The following DDAH1 variants were observed in gnomAD, a reference collection of about 807,000 sequenced individuals.
DDAH1 encodes dimethylarginine dimethylaminohydrolase 1.
A neutral mutation model predicts 28.8 loss-of-function variants in DDAH1; 19 were observed. The ratio of observed to expected loss-of-function variants is 0.66; its 90% CI spans 0.46 to 0.97. The LOEUF (loss-of-function observed/expected upper bound fraction) is 0.97, where lower values mean the gene tolerates loss of function less well. DDAH1 is among the 50% of genes least tolerant of loss of function. The pLI is 0.00. For synonymous variants in DDAH1, 153 were observed against 154.4 expected, an observed-to-expected ratio of 0.99 and a Z score of 0.07; for missense variants, 326 against 375.9, an observed-to-expected ratio of 0.87 and a Z score of 1.10.
Position 85,321,428 on chromosome 1 carries a change from G to T in DDAH1, c.*24C>A, listed in dbSNP as rs370850374. On this transcript the variant is annotated 3_prime_UTR_variant, in exon 6 of 6. Coordinates refer to ENST00000284031, the MANE Select transcript of DDAH1 (RefSeq NM_012137.4). ...TCGGCCTTGCCTGTGCGGTCTTGCC[G>T]GCTACCGGGGGGGACTCTGCAGCTC... 1.9e-6 allele frequency: 3 copies of T among 1,542,576 alleles called. No homozygotes were observed. The highest frequency in any genetic ancestry group is 2.7e-6 in the Non-Finnish European group (3 of 1,115,216).
intron 2 of DDAH1, among the ~76,000 whole-genome samples, chr1:85,479,593 C>T (rs1363977952): frequency 1.4e-4 from 21 of 152,240 alleles, no homozygotes; most frequent in Admixed American, 1.4e-3. Context: ...AGTATTACAA[C>T]AGTGTTCACA....
chr1:85,537,743 C>T lies in DDAH1; in HGVS notation c.-123+40241G>A, dbSNP rs567513157. On this transcript the variant is annotated intron_variant, in intron 1 of 6. Transcript: ENST00000426972. ...AGGGAAGCTTCTTAAAAATAAGATG[C>T]CCAAGTTTTGACCCAGACTCAGTAA... 3.3e-5 allele frequency among the ~76,000 whole-genome samples: 5 copies of T among 150,760 alleles called. No homozygotes were observed. The East Asian group carries it at 9.7e-4, about 29-fold the overall frequency.
intron 1 of DDAH1, among the ~76,000 whole-genome samples, chr1:85,461,725 A>C (rs1292322334): frequency 6.6e-6 from 1 of 152,230 alleles, no homozygotes; most frequent in Non-Finnish European, 1.5e-5. Flanking sequence ...AATGTTGACC[A>C]ATACAGACAT....
At chr1:85,382,605 A>G (rs2100911218) in intron 1 of DDAH1, among the ~76,000 whole-genome samples, 1 of 152,342 alleles carries the variant, frequency 6.6e-6, no homozygotes, top group African/African-American at 2.4e-5. Flanking sequence ...AAAGTTTTCA[A>G]ATTAAATCCA....
intron 4 of DDAH1, among the ~76,000 whole-genome samples, chr1:85,349,675 T>C (rs1460880639): frequency 6.6e-6 from 1 of 152,232 alleles, no homozygotes; most frequent in Non-Finnish European, 1.5e-5. Context: ...AAGGGCCCAC[T>C]GTGGGCCAAG....
intron 2 of DDAH1, among the ~76,000 whole-genome samples, chr1:85,488,000 A>G (rs558575606): frequency 8.5e-5 from 13 of 152,266 alleles, no homozygotes; most frequent in African/African-American, 2.9e-4. Flanking sequence ...CCTGACCAAC[A>G]TGGTGAAACC....
intron 1 of DDAH1, among the ~76,000 whole-genome samples, chr1:85,360,554 G>C (rs1488983873): frequency 6.6e-6 from 1 of 152,184 alleles, no homozygotes; most frequent in East Asian, 1.9e-4. Flanking sequence ...GAGAGATCAT[G>C]AGAACAGATA....
intron 1 of DDAH1, among the ~76,000 whole-genome samples, chr1:85,427,568 A>G (rs1653467152): frequency 6.6e-6 from 1 of 152,200 alleles, no homozygotes; most frequent in Non-Finnish European, 1.5e-5. Flanking sequence ...CAGTCTATGC[A>G]GAGCCAGCTC....
At chr1:85,373,477 C>T (rs57416273) in intron 1 of DDAH1, among the ~76,000 whole-genome samples, 9 of 152,058 alleles carry the variant, frequency 5.9e-5, no homozygotes, top group Admixed American at 2.6e-4. Context: ...ATGCTTTTCT[C>T]GTGACAATGA....
At chr1:85,362,070 T>C (rs1557523069) in intron 1 of DDAH1, among the ~76,000 whole-genome samples, 2 of 152,360 alleles carry the variant, frequency 1.3e-5, no homozygotes, top group South Asian at 2.1e-4. Flanking sequence ...TCTTGTGTTT[T>C]ATCCCTCCAT....
intron 1 of DDAH1, among the ~76,000 whole-genome samples, chr1:85,561,372 A>T (rs1312682452): frequency 1.3e-5 from 2 of 152,104 alleles, no homozygotes; most frequent in African/African-American, 4.8e-5. Flanking sequence ...GAGATAAAAA[A>T]TACAGATGTT....
At chr1:85,416,286 C>A (rs1336592391) in intron 1 of DDAH1, among the ~76,000 whole-genome samples, 1 of 151,786 alleles carries the variant, frequency 6.6e-6, no homozygotes, top group Non-Finnish European at 1.5e-5. Flanking sequence ...GAGTCTCACT[C>A]CCGGGTTCAA....
intron 4 of DDAH1, among the ~76,000 whole-genome samples, chr1:85,347,772 GAA>G (rs5775836): frequency 6.6e-6 from 1 of 151,766 alleles, no homozygotes; most frequent in African/African-American, 2.4e-5. Context: ...AATAAAAAAA[GAA>G]AAAATAATTG....
chr1:85,339,811 A>T (rs1176155928), intron 4 of DDAH1, among the ~76,000 whole-genome samples: 4 of 152,236 alleles, frequency 2.6e-5, no homozygotes, highest in African/African-American at 9.6e-5. Flanking sequence ...ATTTCCACAG[A>T]GAAACAGTAA....
At chr1:85,566,204 G>A (rs1490220523) in intron 1 of DDAH1, among the ~76,000 whole-genome samples, 1 of 151,980 alleles carries the variant, frequency 6.6e-6, no homozygotes, top group Non-Finnish European at 1.5e-5. Flanking sequence ...AAGGTAGACA[G>A]TATTAAAAAG....
rs551776029 is a variant in DDAH1 at position 85,554,259 on chromosome 1, A to C, written c.-123+23725T>G. The stretch of plus-strand genomic sequence containing the variant: ...TGTACAGGCCCTCGTAGTTTTCCTA[A>C]AAAGGAAATTGTAAGAGTTTTTTTT... On this transcript the variant is annotated intron_variant, in intron 1 of 6. Coordinates refer to the DDAH1 transcript ENST00000426972. Among the ~76,000 whole-genome samples the C allele has an allele frequency of 6.8e-4, 103 of 150,404 alleles. 1 individual carries two copies. The South Asian group carries it at 0.019, about 28-fold the overall frequency.
At chr1:85,401,517 T>C (rs1183517599) in intron 1 of DDAH1, among the ~76,000 whole-genome samples, 66 of 149,686 alleles carry the variant, frequency 4.4e-4, no homozygotes, top group African/African-American at 1.6e-3. Context: ...TTTTTTTTTT[T>C]TGAGGAGGGT....
chr1:85,519,337 C>T (rs1657590562), intron 1 of DDAH1, among the ~76,000 whole-genome samples: 2 of 152,060 alleles, frequency 1.3e-5, no homozygotes, highest in Admixed American at 1.3e-4. Context: ...ACCTCGTGAT[C>T]CGCCCGCCGT....
At chr1:85,552,168 C>A (rs1658812758) in intron 1 of DDAH1, among the ~76,000 whole-genome samples, 1 of 152,140 alleles carries the variant, frequency 6.6e-6, no homozygotes, top group African/African-American at 2.4e-5. Flanking sequence ...AAAGTCATGG[C>A]TACTGTTTCT....
Sources: allele counts gnomAD v4.1 joint callset (sites outside exome capture counted in the v4.1 genomes callset), GRCh38; gene constraint gnomAD v4.1.1; transcripts MANE v1.5; gene names NCBI Gene and HGNC (gene_info 2026-07-23, HGNC 2026-07-21).